THADA: variants seen among roughly 807,000 people sequenced by gnomAD.
THADA encodes tRNA (32-2'-O)-methyltransferase regulator THADA.
THADA carries 213 observed loss-of-function variants against 219.8 expected under a neutral mutation model. The observed-to-expected ratio is 0.97, with a 90% CI of 0.87 to 1.09. The LOEUF is 1.09. THADA is among the 50% of genes least tolerant of loss of function. THADA has a pLI of 0.00. For missense variants in THADA, 2,956 were observed against 2,311.3 expected (o/e 1.28, Z -5.72); for synonymous variants, 1,018 against 828.9 (o/e 1.23, Z -3.92).
chr2:43,509,137 T>G (rs866185650), intron 22 of THADA, among the ~76,000 whole-genome samples: 4 of 152,314 alleles, frequency 2.6e-5, no homozygotes, highest in Middle Eastern at 3.4e-3. Context: ...AAGTTTATAG[T>G]TTACTATAAT....
rs1315470491 is a variant in THADA, at chr2:43,291,780, A to G, written c.4938-12T>C. ...TCTGAATTTCAGATCTAGAAAAATA[A>G]ACAAACAAAAAAACAACACAAAATT... On this transcript the variant is annotated splice_polypyrimidine_tract_variant and intron_variant, in intron 33 of 37. Coordinates refer to ENST00000405975, the MANE Select transcript of THADA (RefSeq NM_022065.5). The G allele has an allele frequency of 6.5e-7, 1 of 1,537,000 alleles. No homozygotes were observed. Among genetic ancestry groups the G allele is most frequent in the Non-Finnish European group, 8.8e-7 (1 of 1,140,054 alleles).
chr2:43,315,856 C>T (rs1473475175), intron 31 of THADA, among the ~76,000 whole-genome samples: 1 of 152,212 alleles, frequency 6.6e-6, no homozygotes, highest in Non-Finnish European at 1.5e-5. Flanking sequence ...AGAAATGTCA[C>T]ATTGTCTTAA....
rs75405266 is a variant in THADA at position 43,413,428 on chromosome 2, A to G, written c.4058+14672T>C. On this transcript the variant is annotated intron_variant, in intron 28 of 37. Coordinates refer to ENST00000405975, the MANE Select transcript of THADA (RefSeq NM_022065.5). ...TTGGGTTTTGGACAGAACCTAATAC[A>G]GCAGCATAAGGTGAGATACAAATTT... Among the ~76,000 whole-genome samples the G allele has an allele frequency of 6.6e-3, 1,000 of 152,344 alleles. 6 individuals are homozygous for G. The highest frequency in any genetic ancestry group is 0.021 in the African/African-American group (878 of 41,580).
At chr2:43,353,712 G>C (rs2104566663) in intron 29 of THADA, among the ~76,000 whole-genome samples, 1 of 152,192 alleles carries the variant, frequency 6.6e-6, no homozygotes, top group East Asian at 1.9e-4. Context: ...CTGGAGTGTG[G>C]TGGCACAATC....
Position 43,581,895 on chromosome 2 carries a change from C to G in THADA, c.567G>C (p.Gln189His). ...TGCCTACCAGTAAGTCATTCATCAA[C>G]TGTGTTTGAATAATATGATTTCCAG... ...KCAGNHIIQT[Q>H]LMNDLLVGIR... Residue 189 changes from glutamine (Q) to histidine (H), a missense_variant, in exon 8 of 38, where the codon CAG (glutamine) becomes CAC (histidine). Gln to His is a conservative substitution (Grantham distance 24). Transcript: ENST00000405975. 1 of 1,586,210 alleles carries G rather than the reference C, an allele frequency of 6.3e-7. No homozygotes were observed. Among genetic ancestry groups the G allele is most frequent in the South Asian group, 1.2e-5 (1 of 85,018 alleles).
intron 36 of THADA, among the ~76,000 whole-genome samples, chr2:43,269,204 C>A (rs1671860145): frequency 6.6e-6 from 1 of 152,236 alleles, no homozygotes; most frequent in African/African-American, 2.4e-5. Context: ...GCGTCAGCAC[C>A]AGATGGCCTA....
chr2:43,503,064 G>A (rs183734859), intron 24 of THADA, among the ~76,000 whole-genome samples: 15 of 152,274 alleles, frequency 9.9e-5, no homozygotes, highest in African/African-American at 3.4e-4. Context: ...AACTGTAAAA[G>A]TCTGATAATA....
chr2:43,487,124 T>C (rs1377503429), intron 25 of THADA, among the ~76,000 whole-genome samples: 1 of 152,116 alleles, frequency 6.6e-6, no homozygotes, highest in South Asian at 2.1e-4. Flanking sequence ...AAATAACAAA[T>C]CAATCCATGC....
chr2:43,429,604 A>T (rs1423288546), intron 27 of THADA, among the ~76,000 whole-genome samples: 1 of 152,142 alleles, frequency 6.6e-6, no homozygotes, highest in Non-Finnish European at 1.5e-5. Flanking sequence ...AAAAAATGAC[A>T]GGTATGCATA....
At chr2:43,589,325 G>A (rs941490947) in intron 4 of THADA, among the ~76,000 whole-genome samples, 1 of 152,162 alleles carries the variant, frequency 6.6e-6, no homozygotes, top group Admixed American at 6.5e-5. Context: ...TGCTATAACA[G>A]GGATGAACCT....
chr2:43,505,995 A>C (rs1689625160), intron 23 of THADA, among the ~76,000 whole-genome samples: 1 of 152,206 alleles, frequency 6.6e-6, no homozygotes, highest in African/African-American at 2.4e-5. Context: ...AAATTTTATA[A>C]TTCTAAAAGG....
intron 21 of THADA, among the ~76,000 whole-genome samples, chr2:43,532,312 C>A (rs1693985248): frequency 6.7e-6 from 1 of 149,052 alleles, no homozygotes. Flanking sequence ...ACTTGGGAGG[C>A]TGAGGCAGGA....
chr2:43,471,316 A>G (rs1684876473), intron 26 of THADA, among the ~76,000 whole-genome samples: 1 of 152,114 alleles, frequency 6.6e-6, no homozygotes, highest in Non-Finnish European at 1.5e-5. Context: ...ACTTGAGCCC[A>G]GGACTTTGAG....
intron 16 of THADA, 93 bp from the exon 17 acceptor site, chr2:43,556,648 G>C (rs553115321): frequency 2.5e-6 from 3 of 1,216,034 alleles, no homozygotes; most frequent in South Asian, 1.6e-5. Flanking sequence ...CTGGAGCTGA[G>C]TACAGTGGGC....
At chr2:43,309,931 C>T (rs1558559538) in intron 31 of THADA, among the ~76,000 whole-genome samples, 1 of 152,026 alleles carries the variant, frequency 6.6e-6, no homozygotes, top group Non-Finnish European at 1.5e-5. Context: ...AATGAACAAT[C>T]CACAAATGAA....
chr2:43,271,404 C>T (rs1391257786), intron 36 of THADA, among the ~76,000 whole-genome samples: 2 of 152,140 alleles, frequency 1.3e-5, no homozygotes, highest in African/African-American at 2.4e-5. Context: ...AGGGCAATTT[C>T]ATAACATAAA....
Position 43,557,091 on chromosome 2 carries a change from G to GA in THADA, c.2464-537dup, listed in dbSNP as rs368662792. ...GAGTGAGACCCTGTCTCTATTAAAA[G>GA]AAAAAAAACAAAACAAAACAAAACA... On this transcript the variant is annotated intron_variant, in intron 16 of 37. Coordinates refer to ENST00000405975, the MANE Select transcript of THADA (RefSeq NM_022065.5). 4.0e-3 allele frequency among the ~76,000 whole-genome samples: 607 copies of GA among 150,978 alleles called. 2 individuals are homozygous for GA. The highest frequency in any genetic ancestry group is 0.011 in the African/African-American group (446 of 41,136).
intron 26 of THADA, among the ~76,000 whole-genome samples, chr2:43,482,740 A>C (rs539269564): frequency 2.4e-4 from 37 of 152,232 alleles, no homozygotes; most frequent in Non-Finnish European, 4.7e-4. Context: ...GTCCTCAAAA[A>C]GCACGGTCTT....
intron 26 of THADA, among the ~76,000 whole-genome samples, chr2:43,462,123 A>G (rs978168069): frequency 6.6e-6 from 1 of 152,222 alleles, no homozygotes; most frequent in African/African-American, 2.4e-5. Context: ...GAGATGCCAG[A>G]ATTTTAAAAC....
Sources: gnomAD v4.1 joint callset for allele counts (sites outside exome capture counted in the v4.1 genomes callset) on GRCh38, gnomAD v4.1.1 for gene constraint, MANE v1.5 for transcripts, NCBI Gene and HGNC (gene_info 2026-07-23, HGNC 2026-07-21) for gene names.